The following ABLIM1 variants were observed in gnomAD, a reference collection of about 807,000 sequenced individuals.
The protein encoded by ABLIM1 is actin binding LIM protein 1.
Under a neutral mutation model 107.0 loss-of-function variants are expected in ABLIM1, and 40 were observed. The ratio of observed to expected loss-of-function variants is 0.37; its 90% CI spans 0.29 to 0.49. ABLIM1 has a LOEUF of 0.49. ABLIM1 is among the 20% of genes least tolerant of loss of function. The probability of loss-of-function intolerance (pLI) is 0.97; values close to 1 mark genes in which losing one functional copy is unlikely to be tolerated. For synonymous variants in ABLIM1, 357 were observed against 357.3 expected, an observed-to-expected ratio of 1.00 and a Z score of 0.01; for missense variants, 857 against 1,008.5, an observed-to-expected ratio of 0.85 and a Z score of 2.04.
At chr10:114,438,834 T>C (rs945891067) in intron 21 of ABLIM1, among the ~76,000 whole-genome samples, 3 of 152,208 alleles carry the variant, frequency 2.0e-5, no homozygotes, top group African/African-American at 7.2e-5. Context: ...GGGCTTTCAA[T>C]GGTGAAACAG....
chr10:114,733,158 T>C (rs1387594871), intron 1 of ABLIM1, among the ~76,000 whole-genome samples: 4 of 152,130 alleles, frequency 2.6e-5, no homozygotes, highest in East Asian at 1.9e-4. Flanking sequence ...CACAATCTCA[T>C]TGGTAAGTTA....
At chr10:114,687,189 A>C (rs57726462), upstream of ABLIM1, among the ~76,000 whole-genome samples, 264 of 152,330 alleles carry the variant, frequency 1.7e-3, 1 homozygote, top group African/African-American at 6.2e-3. Flanking sequence ...ACTATGTATT[A>C]ATATGCAAGT....
At chr10:114,577,451 C>T (rs1377936452) in intron 2 of ABLIM1, among the ~76,000 whole-genome samples, 1 of 152,096 alleles carries the variant, frequency 6.6e-6, no homozygotes, top group Non-Finnish European at 1.5e-5. Flanking sequence ...AGTCGTTATA[C>T]AAAGATGTGG....
At chr10:114,578,856 A>G (rs1303275427) in intron 2 of ABLIM1, among the ~76,000 whole-genome samples, 1 of 132,678 alleles carries the variant, frequency 7.5e-6, no homozygotes, top group Non-Finnish European at 1.5e-5. Flanking sequence ...GCATGATCTC[A>G]GCTCACTGCA....
At chr10:114,493,314 G>A (rs1474262497) in intron 6 of ABLIM1, among the ~76,000 whole-genome samples, 3 of 152,192 alleles carry the variant, frequency 2.0e-5, no homozygotes, top group Non-Finnish European at 4.4e-5. Flanking sequence ...TAAGGAAAAT[G>A]TTAAGTGAAA....
At chr10:114,523,524 A>G (rs1020995978) in intron 6 of ABLIM1, among the ~76,000 whole-genome samples, 1 of 152,270 alleles carries the variant, frequency 6.6e-6, no homozygotes, top group South Asian at 2.1e-4. Flanking sequence ...TATTGAAACC[A>G]TGAAGAAGCA....
chr10:114,754,967 AAG>A lies in ABLIM1; in HGVS notation c.-213+13092_-213+13093del, dbSNP rs369515778. Among the ~76,000 whole-genome samples the A allele has an allele frequency of 2.6e-3, 398 of 152,246 alleles. 1 individual carries two copies. Among genetic ancestry groups the A allele is most frequent in the African/African-American group, 9.2e-3 (381 of 41,552 alleles). ...TCCTGAGTGGTGACAGCAAATGACT[AAG>A]AACTGCTCATTATTCCTACAACTAT... On this transcript the variant is annotated intron_variant, in intron 1 of 15. Coordinates refer to the ABLIM1 transcript ENST00000651092.
intron 2 of ABLIM1, among the ~76,000 whole-genome samples, chr10:114,578,244 G>T (rs912900317): frequency 6.6e-6 from 1 of 152,158 alleles, no homozygotes; most frequent in Non-Finnish European, 1.5e-5. Context: ...CAGGCAGACC[G>T]CCATGCCTCT....
the ABLIM1 span, among the ~76,000 whole-genome samples, chr10:114,776,924 G>A: frequency 6.6e-6 from 1 of 152,098 alleles, no homozygotes; most frequent in African/African-American, 2.4e-5. Flanking sequence ...AGCCTAAAAT[G>A]TTTTTTAATT....
At chr10:114,568,354 C>T (rs2071112040) in intron 4 of ABLIM1, among the ~76,000 whole-genome samples, 1 of 152,038 alleles carries the variant, frequency 6.6e-6, no homozygotes, top group South Asian at 2.1e-4. Flanking sequence ...ACCCATGTAA[C>T]AAACCTGCAC....
At chr10:114,683,714 G>A (rs759459036) in intron 1 of ABLIM1, among the ~76,000 whole-genome samples, 13 of 152,222 alleles carry the variant, frequency 8.5e-5, no homozygotes, top group African/African-American at 2.2e-4. Flanking sequence ...GCAACCGATC[G>A]CCACAGTCCC....
At chr10:114,631,344 G>A (rs1026906279) in intron 1 of ABLIM1, among the ~76,000 whole-genome samples, 1 of 152,164 alleles carries the variant, frequency 6.6e-6, no homozygotes, top group Admixed American at 6.5e-5. Flanking sequence ...TTAGCCATGT[G>A]CAGCATCCTT....
chr10:114,719,767 G>A (rs1010644331), intron 1 of ABLIM1, among the ~76,000 whole-genome samples: 3 of 152,108 alleles, frequency 2.0e-5, no homozygotes, highest in Admixed American at 6.5e-5. Context: ...GAAAAATCCC[G>A]TCTTCCCAGG....
chr10:114,732,833 A>G (rs1423101761), intron 1 of ABLIM1, among the ~76,000 whole-genome samples: 1 of 152,234 alleles, frequency 6.6e-6, no homozygotes, highest in East Asian at 1.9e-4. Flanking sequence ...GGAAATATCT[A>G]TGACAAATAA....
At chr10:114,548,758 C>T (rs753155557) in intron 4 of ABLIM1, among the ~76,000 whole-genome samples, 2 of 152,208 alleles carry the variant, frequency 1.3e-5, no homozygotes, top group African/African-American at 2.4e-5. Flanking sequence ...CATCAATGTA[C>T]CTGAGAGAAT....
intron 5 of ABLIM1, among the ~76,000 whole-genome samples, chr10:114,545,378 A>C (rs2067196456): frequency 6.6e-6 from 1 of 152,212 alleles, no homozygotes; most frequent in South Asian, 2.1e-4. Flanking sequence ...CTCAGAGCTA[A>C]CTAGCAGAAA....
intron 2 of ABLIM1, among the ~76,000 whole-genome samples, chr10:114,589,789 T>A (rs1437203146): frequency 6.6e-6 from 1 of 152,148 alleles, no homozygotes; most frequent in East Asian, 1.9e-4. Context: ...ATAAGGTTTA[T>A]AAAGTAAAAA....
chr10:114,471,236 A>G (rs2066483421), intron 10 of ABLIM1, among the ~76,000 whole-genome samples: 1 of 152,102 alleles, frequency 6.6e-6, no homozygotes, highest in Non-Finnish European at 1.5e-5. Flanking sequence ...TCAAAGCCCA[A>G]ACTCTTGAGT....
At chr10:114,598,884 G>A (rs753725561) in intron 2 of ABLIM1, among the ~76,000 whole-genome samples, 9 of 151,824 alleles carry the variant, frequency 5.9e-5, no homozygotes, top group Non-Finnish European at 1.3e-4. Context: ...TGTGCAGGAT[G>A]TGCAGGTTTG....
Sources: gnomAD v4.1 joint callset for allele counts (sites outside exome capture counted in the v4.1 genomes callset) on GRCh38, gnomAD v4.1.1 for gene constraint, MANE v1.5 for transcripts, NCBI Gene and HGNC (gene_info 2026-07-23, HGNC 2026-07-21) for gene names.